Variants in TRPM1 observed in about 807,000 individuals in gnomAD.
The protein encoded by TRPM1 is TRPM1-203 APA Isoform, Intron 10.
In TRPM1, 113 loss-of-function variants were observed where a neutral mutation model predicts 149.4. The observed-to-expected ratio is 0.76, with a 90% CI of 0.65 to 0.88. The LOEUF (loss-of-function observed/expected upper bound fraction) is 0.88, where lower values mean the gene tolerates loss of function less well. TRPM1 is among the 40% of genes least tolerant of loss of function. TRPM1 has a pLI of 0.00. For missense variants in TRPM1, 1,976 were observed against 2,038.7 expected (o/e 0.97, Z 0.59); for synonymous variants, 741 against 759.5 (o/e 0.98, Z 0.40).
At chr15:31,048,090 C>A in intron 13 of TRPM1, 151 bp from the exon 14 acceptor site, 2 of 730,960 alleles carry the variant, frequency 2.7e-6, no homozygotes, top group South Asian at 2.8e-5. Context: ...TGGTGAAACC[C>A]CATCTCTACT....
intron 1 of TRPM1, chr15:31,160,774 C>T (rs139056924): frequency 4.1e-5 from 40 of 967,012 alleles, no homozygotes; most frequent in Non-Finnish European, 5.8e-5. Context: ...CACCCCATGC[C>T]CCATGCCCAC....
chr15:31,102,488 A>G (rs915612649), upstream of TRPM1, among the ~76,000 whole-genome samples: 5 of 152,240 alleles, frequency 3.3e-5, no homozygotes, highest in Admixed American at 3.3e-4. Context: ...AGGAGCAGAC[A>G]GATTGGACGT....
chr15:31,097,126 C>A (rs781653800), intron 1 of TRPM1, among the ~76,000 whole-genome samples: 2 of 152,132 alleles, frequency 1.3e-5, no homozygotes, highest in East Asian at 3.8e-4. Flanking sequence ...CAATTGGGGT[C>A]TTTTCTGAGT....
chr15:31,129,429 A>G (rs1189929100), intron 1 of TRPM1, among the ~76,000 whole-genome samples: 2 of 152,124 alleles, frequency 1.3e-5, no homozygotes, highest in African/African-American at 4.8e-5. Flanking sequence ...CTCACCGCCT[A>G]TGAGCCCCGG....
At chr15:31,070,356 C>T (rs761598650) in intron 3 of TRPM1, 130 bp from the exon 4 acceptor site, 2 of 867,384 alleles carry the variant, frequency 2.3e-6, no homozygotes, top group Non-Finnish European at 3.8e-6. Context: ...AGTAAGCCAG[C>T]GTTATTAGGG....
intron 1 of TRPM1, among the ~76,000 whole-genome samples, chr15:31,147,060 A>T (rs1343132874): frequency 6.6e-6 from 1 of 151,898 alleles, no homozygotes; most frequent in Admixed American, 6.6e-5. Flanking sequence ...TCTGCCTATG[A>T]AGCCAATCTC....
At position 31,005,200 on chromosome 15, in the gene TRPM1, C is replaced by T. The variant is rs1263138942; in HGVS notation, c.3630-2130G>A. On this transcript the variant is annotated intron_variant, in intron 27 of 27. Transcript: ENST00000256552. ...ATTCCTTTTGTATCAAAAAAAACCC[C>T]ACATTGCCCTAGTCAAACTTGAGTT... Among the ~76,000 whole-genome samples, 6 of 152,106 alleles carry T rather than the reference C, an allele frequency of 3.9e-5. No individual in the cohort carries two copies. The East Asian group carries it at 9.6e-4, about 24-fold the overall frequency.
At chr15:31,082,622 G>C (rs914967576) in intron 1 of TRPM1, among the ~76,000 whole-genome samples, 1 of 152,222 alleles carries the variant, frequency 6.6e-6, no homozygotes, top group African/African-American at 2.4e-5. Context: ...GGGCCACGGG[G>C]AGGCTGCGGG....
At position 31,002,062 on chromosome 15, in the gene TRPM1, G is replaced by T. The variant is rs1008759924; in HGVS notation, c.4638C>A (p.Thr1546=). The change falls in exon 28 of 28, where the codon ACC becomes ACA. Residue 1546 remains threonine (T), a synonymous_variant. Transcript: ENST00000256552. The part of the protein sequence containing the change: ...AIPRIPRLSL[T]ITDRNGMENL... The stretch of plus-strand genomic sequence containing the variant: ...TTTCCATCCCATTTCTGTCAGTAAT[G>T]GTTAGGGACAAGCGAGGGATTCGAG... The T allele has an allele frequency of 6.2e-7, 1 of 1,614,214 alleles. No homozygotes were observed.
intron 11 of TRPM1, among the ~76,000 whole-genome samples, chr15:31,056,763 C>G (rs116136064): frequency 6.6e-6 from 1 of 152,172 alleles, no homozygotes; most frequent in Admixed American, 6.5e-5. Context: ...CGCTGTCTCT[C>G]GCTCTCTTAC....
Position 31,070,246 on chromosome 15 carries a change from AG to A in TRPM1, c.84-21del. 1 of 1,599,336 alleles carries A rather than the reference AG, an allele frequency of 6.3e-7. No individual in the cohort carries two copies. The highest frequency in any genetic ancestry group is 8.6e-7 in the Non-Finnish European group (1 of 1,168,676). On this transcript the variant is annotated intron_variant, in intron 3 of 27. Coordinates refer to ENST00000256552, the MANE Select transcript of TRPM1 (RefSeq NM_001252024.2). ...CAACACCTGAAAACAAAGGCAAAGCAGGGTCTTTCTACAACAATCTCCCCCT... is the reference window on the plus strand; with the variant it reads ...CAACACCTGAAAACAAAGGCAAAGCAGGTCTTTCTACAACAATCTCCCCCT...
chr15:31,065,184 ATGTG>A (rs1435762754), intron 7 of TRPM1: 3 of 522,030 alleles, frequency 5.7e-6, no homozygotes, highest in Admixed American at 2.0e-5. Context: ...AAAATTAGAG[ATGTG>A]AGAACAAAAA....
At chr15:31,092,657 T>C (rs1030362272) in intron 1 of TRPM1, among the ~76,000 whole-genome samples, 15 of 152,346 alleles carry the variant, frequency 9.8e-5, no homozygotes, top group Middle Eastern at 3.4e-3. Context: ...TGAGGTTTAC[T>C]GGAAATATAC....
intron 27 of TRPM1, among the ~76,000 whole-genome samples, chr15:31,012,782 C>A (rs1036807367): frequency 3.3e-5 from 5 of 152,010 alleles, no homozygotes; most frequent in Admixed American, 3.3e-4. Flanking sequence ...AGGTTTCAGA[C>A]TGTTCAATTT....
chr15:31,113,397 C>T (rs1449515449), intron 1 of TRPM1, among the ~76,000 whole-genome samples: 2 of 151,432 alleles, frequency 1.3e-5, no homozygotes, highest in Non-Finnish European at 2.9e-5. Flanking sequence ...CAAAGGGTCA[C>T]CTATGCATAC....
At chr15:31,062,995 T>G (rs1026981973) in intron 8 of TRPM1, 123 bp downstream of exon 8, 29 of 1,345,380 alleles carry the variant, frequency 2.2e-5, no homozygotes, top group Non-Finnish European at 3.0e-5. Context: ...GGAGAGGAGA[T>G]CTAGCAAATC....
At position 31,090,826 on chromosome 15, in the gene TRPM1, G is replaced by A. The variant is rs190699769; in HGVS notation, c.-83-9388C>T. ...GAGAACTTGGGCTTTAGACGTACCT[G>A]AGTCAGCTCCCAGATCCACCATTTC... On this transcript the variant is annotated intron_variant, in intron 1 of 27. Transcript: ENST00000256552. Among the ~76,000 whole-genome samples the A allele has an allele frequency of 4.6e-5, 7 of 152,178 alleles. No homozygotes were observed. In the East Asian group the frequency reaches 7.7e-4, roughly 17 times the overall value.
Position 31,070,141 on chromosome 15 carries a change from C to G in TRPM1, c.169G>C (p.Val57Leu), listed in dbSNP as rs559669435. The G allele has an allele frequency of 1.9e-6, 3 of 1,614,094 alleles. No individual in the cohort carries two copies. The South Asian group carries it at 3.3e-5, about 18-fold the overall frequency. Residue 57 changes from valine to leucine, a missense_variant, in exon 4 of 28, where the codon GTG becomes CTG. By Grantham distance (32) the Val-to-Leu change is conservative. This residue lies in a region of TRPM1 where 1,332 missense variants were observed against 1,347.1 expected (regional missense o/e 0.99). Coordinates refer to ENST00000256552, the MANE Select transcript of TRPM1 (RefSeq NM_001252024.2). Reference protein sequence around the residue: ...PSKNEEESKQVETQPEKWSVA... With the variant: ...PSKNEEESKQLETQPEKWSVA... ...GACCATTTCTCAGGCTGAGTCTCCA[C>G]CTGTTTGCTTTCCTCTTCATTTTTG...
chr15:31,060,614 C>T lies in TRPM1; in HGVS notation c.1193G>A (p.Ser398Asn), dbSNP rs367578160. The change falls in exon 11 of 28, where the codon AGC (serine) becomes AAC (asparagine). Residue 398 changes from serine (S) to asparagine (N), a missense_variant. Transcript: ENST00000256552. ...GTNVSAPDQL[S>N]LALAWNRVDI... is the part of the protein sequence containing the mutation. ...CACGCGGTTCCAAGCCAGTGCCAAG[C>T]TCAGCTGATCTGGAGCAGATACGTT... 24 of 1,614,124 alleles carry T rather than the reference C, an allele frequency of 1.5e-5. No homozygotes were observed. Among genetic ancestry groups the T allele is most frequent in the Non-Finnish European group, 1.9e-5 (23 of 1,180,054 alleles).
Sources: gnomAD v4.1 joint callset for allele counts (sites outside exome capture counted in the v4.1 genomes callset) on GRCh38, gnomAD v4.1.1 for gene constraint, gnomAD v4.1.1 regional missense constraint, MANE v1.5 for transcripts, NCBI Gene and HGNC (gene_info 2026-07-23, HGNC 2026-07-21) for gene names.